ERO1B: variants seen among roughly 807,000 people sequenced by gnomAD.
ERO1B encodes endoplasmic reticulum oxidoreductase 1 beta.
In ERO1B, 49 loss-of-function variants were observed where a neutral mutation model predicts 75.3. That is an observed-to-expected ratio of 0.65 (90% CI 0.52 to 0.83). The LOEUF (loss-of-function observed/expected upper bound fraction) is 0.83, where lower values mean the gene tolerates loss of function less well. Ranked by LOEUF, ERO1B falls within the 40% of genes least tolerant of loss-of-function variation. ERO1B has a pLI of 0.00. For synonymous variants in ERO1B, 191 were observed against 192.9 expected (o/e 0.99, Z 0.08); for missense variants, 512 against 560.1 (o/e 0.91, Z 0.87).
chr1:236,278,362 A>G (rs1665753061), intron 1 of ERO1B, among the ~76,000 whole-genome samples: 1 of 151,724 alleles, frequency 6.6e-6, no homozygotes, highest in Non-Finnish European at 1.5e-5. Context: ...TGAGGATGTA[A>G]TTGTTTGAAG....
At chr1:236,244,841 TG>T (rs398089973) in intron 5 of ERO1B, among the ~76,000 whole-genome samples, 10,421 of 152,162 alleles carry the variant, frequency 0.068, 733 homozygotes, top group East Asian at 0.39. Flanking sequence ...AGTTTGAAGA[TG>T]GATGCAACAC....
chr1:236,218,427 T>A lies in ERO1B; in HGVS notation c.*89A>T. On this transcript the variant is annotated 3_prime_UTR_variant, in exon 16 of 16. Transcript: ENST00000354619. ...ATTTAATAGTTCAGAATTCTTGAAG[T>A]CAGATTAGTGTCTTTCTGATGAATG... 1 of 1,245,770 alleles carries A rather than the reference T, an allele frequency of 8.0e-7. No individual in the cohort carries two copies. The highest frequency in any genetic ancestry group is 3.8e-5 in the East Asian group (1 of 26,088). The allele number at this position is 1,245,770 out of a possible 1,614,324, so 77.2% of individuals were successfully genotyped here.
intron 3 of ERO1B, among the ~76,000 whole-genome samples, chr1:236,252,678 A>G (rs1749587): frequency 0.25 from 37,631 of 152,044 alleles, 4,813 homozygotes; most frequent in East Asian, 0.38. Context: ...TATTACAACC[A>G]GTTTATCAAA....
intron 1 of ERO1B, among the ~76,000 whole-genome samples, chr1:236,279,912 G>T (rs1665792875): frequency 6.6e-6 from 1 of 151,360 alleles, no homozygotes; most frequent in Admixed American, 6.6e-5. Context: ...TTGGAAGACT[G>T]TTTGGCACAA....
intron 2 of ERO1B, among the ~76,000 whole-genome samples, chr1:236,256,390 G>A (rs142190027): frequency 5.3e-5 from 8 of 152,266 alleles, no homozygotes; most frequent in African/African-American, 1.9e-4. Flanking sequence ...AGCACACTCT[G>A]CACCTCCTTC....
intron 13 of ERO1B, among the ~76,000 whole-genome samples, 194 bp downstream of exon 13, chr1:236,224,876 A>G (rs1425590520): frequency 6.6e-6 from 1 of 152,224 alleles, no homozygotes; most frequent in African/African-American, 2.4e-5. Context: ...CTAATGACCA[A>G]TGATTCACTA....
intron 2 of ERO1B, among the ~76,000 whole-genome samples, chr1:236,259,161 A>G (rs1665234374): frequency 6.6e-6 from 1 of 152,214 alleles, no homozygotes; most frequent in East Asian, 1.9e-4. Flanking sequence ...TTAAGTCAGT[A>G]TCAGCTGAAA....
chr1:236,254,097 G>A (rs769473024), intron 2 of ERO1B, among the ~76,000 whole-genome samples: 7 of 152,262 alleles, frequency 4.6e-5, no homozygotes, highest in Non-Finnish European at 8.8e-5. Context: ...TTGGGCTGAC[G>A]TTTAATGTAG....
At chr1:236,251,685 C>A (rs1665034043) in intron 4 of ERO1B, among the ~76,000 whole-genome samples, 1 of 152,124 alleles carries the variant, frequency 6.6e-6, no homozygotes, top group Admixed American at 6.6e-5. Flanking sequence ...GTACTCTGCT[C>A]AAAATATCTT....
chr1:236,243,318 A>T (rs1043557160), intron 6 of ERO1B, 104 bp downstream of exon 6: 2 of 800,728 alleles, frequency 2.5e-6, no homozygotes, highest in African/African-American at 3.5e-5. Context: ...ACATAGCAAA[A>T]TCCAGTACTG....
Position 236,215,852 on chromosome 1 carries a change from A to C in ERO1B, c.*2664T>G, listed in dbSNP as rs1663957516. The C allele has an allele frequency of 6.6e-6, 1 of 152,186 alleles. No individual in the cohort carries two copies. 9.4% of individuals were successfully genotyped at this position (152,186 alleles called of 1,614,324 possible). A position where few individuals can be genotyped will look rare whatever the true frequency, so the allele number is the denominator to read the frequency against. ...GAAGGCAATGCTGATGAAGATCAAA[A>C]TAGCTGTCCTTTCTTATATACAGTG... On this transcript the variant is annotated 3_prime_UTR_variant, in exon 16 of 16. Coordinates refer to ENST00000354619, the MANE Select transcript of ERO1B (RefSeq NM_019891.4).
chr1:236,242,148 C>CCT (rs1310462863), intron 6 of ERO1B, among the ~76,000 whole-genome samples: 1 of 151,848 alleles, frequency 6.6e-6, no homozygotes, highest in African/African-American at 2.4e-5. Flanking sequence ...GCAAGTACTT[C>CCT]CTGCAATTAA....
intron 5 of ERO1B, among the ~76,000 whole-genome samples, chr1:236,249,308 G>A (rs1664959172): frequency 6.6e-6 from 1 of 152,144 alleles, no homozygotes; most frequent in Non-Finnish European, 1.5e-5. Context: ...TTACAGGCAT[G>A]AGCCACCATG....
At position 236,249,801 on chromosome 1, in the gene ERO1B, C is replaced by T. The variant is rs1267023180; in HGVS notation, c.431+84G>A. 6.8e-5 allele frequency: 72 copies of T among 1,057,922 alleles called. No homozygotes were observed. In the East Asian group the frequency reaches 1.2e-3, roughly 18 times the overall value. 65.5% of individuals were successfully genotyped at this position (1,057,922 alleles called of 1,614,324 possible). ...ATATTAGTTAAAACTTTAATGGGTT[C>T]GAAAATGTTTTACCAAAATCATAAA... On this transcript the variant is annotated intron_variant, in intron 5 of 15. Transcript: ENST00000354619.
chr1:236,216,201 C>G lies in ERO1B; in HGVS notation c.*2315G>C, dbSNP rs1439775507. The G allele has an allele frequency of 6.6e-6, 1 of 152,082 alleles. No homozygotes were observed. Among genetic ancestry groups the G allele is most frequent in the East Asian group, 1.9e-4 (1 of 5,194 alleles). 9.4% of individuals were successfully genotyped at this position (152,082 alleles called of 1,614,324 possible). On this transcript the variant is annotated 3_prime_UTR_variant, in exon 16 of 16. Coordinates refer to ENST00000354619, the MANE Select transcript of ERO1B (RefSeq NM_019891.4). ...ACTTCATCAGTGGGTACAATCATTT[C>G]TGTCAGTTATATTATCAAGTGCTGG...
At position 236,239,869 on chromosome 1, in the gene ERO1B, A is replaced by G. The variant is rs11578469; in HGVS notation, c.506-3471T>C. ...TATATGTGTATATATGTATATATAT[A>G]TGTGTATATGTGTGTGTGTGTGTAT... On this transcript the variant is annotated intron_variant, in intron 6 of 15. Coordinates refer to ENST00000354619, the MANE Select transcript of ERO1B (RefSeq NM_019891.4). Among the ~76,000 whole-genome samples, 21 of 64,964 alleles carry G rather than the reference A, an allele frequency of 3.2e-4. No homozygotes were observed. The East Asian group carries it at 0.012, about 37-fold the overall frequency. The allele number at this position is 64,964 out of a possible 152,430, so 42.6% of individuals were successfully genotyped here.
At chr1:236,249,059 C>G (rs1664953521) in intron 5 of ERO1B, among the ~76,000 whole-genome samples, 1 of 141,558 alleles carries the variant, frequency 7.1e-6, no homozygotes, top group South Asian at 2.2e-4. Context: ...GAGTCTCACT[C>G]TTGTCACCCA....
chr1:236,230,873 T>C (rs1292798840), intron 9 of ERO1B, among the ~76,000 whole-genome samples: 1 of 151,858 alleles, frequency 6.6e-6, no homozygotes, highest in Non-Finnish European at 1.5e-5. Flanking sequence ...GGGGGAAGGA[T>C]TGCTTGAGCC....
rs1664761061 is a variant in ERO1B, at chr1:236,243,365, T to C, written c.505+57A>G. On this transcript the variant is annotated intron_variant, in intron 6 of 15. Coordinates refer to ENST00000354619, the MANE Select transcript of ERO1B (RefSeq NM_019891.4). ...CAGTTTATATTTTCATTGATTAAAA[T>C]GTCTTATAAAAGGGTTAAAGTTAAA... 15 of 1,189,668 alleles carry C rather than the reference T, an allele frequency of 1.3e-5. No individual in the cohort carries two copies. The East Asian group carries it at 3.9e-4, about 31-fold the overall frequency. 73.7% of individuals were successfully genotyped at this position (1,189,668 alleles called of 1,614,324 possible). A position where few individuals can be genotyped will look rare whatever the true frequency, so the allele number is the denominator to read the frequency against.
Sources: allele counts gnomAD v4.1 joint callset (sites outside exome capture counted in the v4.1 genomes callset), GRCh38; gene constraint gnomAD v4.1.1; transcripts MANE v1.5; gene names NCBI Gene and HGNC (gene_info 2026-07-23, HGNC 2026-07-21).